The following MYO16 variants were observed in gnomAD, a reference collection of about 807,000 sequenced individuals.
MYO16 encodes the protein myosin XVI.
Under a neutral mutation model 205.3 loss-of-function variants are expected in MYO16, and 94 were observed. The observed-to-expected ratio is 0.46, with a 90% CI of 0.39 to 0.54. MYO16 has a LOEUF of 0.54. Ranked by LOEUF, MYO16 falls within the 20% of genes least tolerant of loss-of-function variation. The probability of loss-of-function intolerance (pLI) is 0.00; values close to 1 mark genes in which losing one functional copy is unlikely to be tolerated. For missense variants in MYO16, 2,315 were observed against 2,387.5 expected, an observed-to-expected ratio of 0.97 and a Z score of 0.63; for synonymous variants, 988 against 954.0, an observed-to-expected ratio of 1.04 and a Z score of -0.66.
At chr13:108,838,924 G>A (rs1446900662) in intron 9 of MYO16, among the ~76,000 whole-genome samples, 1 of 152,084 alleles carries the variant, frequency 6.6e-6, no homozygotes, top group African/African-American at 2.4e-5. Context: ...GTGGAAGGAA[G>A]AAGGTCTCTT....
intron 28 of MYO16, among the ~76,000 whole-genome samples, chr13:109,119,817 C>G (rs986057165): frequency 2.6e-5 from 4 of 152,206 alleles, no homozygotes; most frequent in Non-Finnish European, 5.9e-5. Context: ...ATGACTTTCT[C>G]ATCTTTCTTG....
the MYO16 span, among the ~76,000 whole-genome samples, chr13:108,528,902 G>A: frequency 6.6e-6 from 1 of 151,720 alleles, no homozygotes; most frequent in Non-Finnish European, 1.5e-5. Context: ...ACAAGGTAAA[G>A]GTTTAGACCA....
intron 4 of MYO16, among the ~76,000 whole-genome samples, chr13:108,735,200 T>A (rs1380029434): frequency 6.6e-6 from 1 of 152,074 alleles, no homozygotes; most frequent in Non-Finnish European, 1.5e-5. Context: ...GACATGTTGG[T>A]GTGCTGCACC....
intron 27 of MYO16, among the ~76,000 whole-genome samples, chr13:109,094,489 G>A (rs1888716077): frequency 6.6e-6 from 1 of 152,162 alleles, no homozygotes; most frequent in Admixed American, 6.5e-5. Context: ...AGGACAACAG[G>A]CGTGAGCCAC....
At chr13:109,179,054 T>G (rs1879342336) in intron 33 of MYO16, among the ~76,000 whole-genome samples, 1 of 152,192 alleles carries the variant, frequency 6.6e-6, no homozygotes, top group Admixed American at 6.5e-5. Context: ...TGCTTCCTTG[T>G]GCACAAAATG....
At chr13:109,025,966 T>C (rs1886348783) in intron 23 of MYO16, among the ~76,000 whole-genome samples, 1 of 152,228 alleles carries the variant, frequency 6.6e-6, no homozygotes, top group South Asian at 2.1e-4. Flanking sequence ...GATCTTTGTC[T>C]GAAAGTTGTT....
intron 4 of MYO16, among the ~76,000 whole-genome samples, chr13:108,774,715 A>G (rs971686524): frequency 6.6e-6 from 1 of 152,212 alleles, no homozygotes; most frequent in Non-Finnish European, 1.5e-5. Flanking sequence ...GAAATTTCAC[A>G]TCTAGTGATT....
At chr13:108,754,431 T>C (rs1196989111) in intron 4 of MYO16, among the ~76,000 whole-genome samples, 1 of 152,216 alleles carries the variant, frequency 6.6e-6, no homozygotes, top group African/African-American at 2.4e-5. Context: ...ATTATTGACA[T>C]ACATAGCTCT....
the MYO16 span, among the ~76,000 whole-genome samples, chr13:108,585,507 T>C: frequency 6.6e-6 from 1 of 152,142 alleles, no homozygotes; most frequent in Admixed American, 6.6e-5. Context: ...AATTGTTTCT[T>C]ATCAGACTTA....
intron 27 of MYO16, among the ~76,000 whole-genome samples, chr13:109,096,461 C>T (rs1056314042): frequency 2.0e-5 from 3 of 152,244 alleles, no homozygotes; most frequent in African/African-American, 7.2e-5. Flanking sequence ...GGCGGGGGGA[C>T]ACAGTTCAGC....
chr13:108,828,132 GTTAC>G (rs1197505778), intron 9 of MYO16, among the ~76,000 whole-genome samples: 1 of 152,172 alleles, frequency 6.6e-6, no homozygotes, highest in African/African-American at 2.4e-5. Flanking sequence ...CGCATGTCCT[GTTAC>G]TTAACCATTT....
chr13:108,769,632 C>A (rs944488853), intron 4 of MYO16, among the ~76,000 whole-genome samples: 4 of 152,112 alleles, frequency 2.6e-5, no homozygotes, highest in Non-Finnish European at 4.4e-5. Flanking sequence ...TGTTAAGCAA[C>A]CGCTAGAGCA....
intron 16 of MYO16, among the ~76,000 whole-genome samples, chr13:108,911,708 T>C (rs1881273639): frequency 6.6e-6 from 1 of 152,214 alleles, no homozygotes; most frequent in Non-Finnish European, 1.5e-5. Flanking sequence ...TCTGTGGAGA[T>C]GTCCCTATGG....
chr13:108,500,691 A>G, the MYO16 span, among the ~76,000 whole-genome samples: 13 of 152,182 alleles, frequency 8.5e-5, no homozygotes, highest in Non-Finnish European at 1.3e-4. Context: ...CCCGGATCCA[A>G]TCTTCATCAT....
chr13:108,718,280 A>T (rs1884026752), intron 3 of MYO16, among the ~76,000 whole-genome samples: 1 of 152,126 alleles, frequency 6.6e-6, no homozygotes, highest in Non-Finnish European at 1.5e-5. Context: ...GTCCACCAGT[A>T]ACCCTGCCCA....
At chr13:109,191,515 A>G (rs925748561) in intron 34 of MYO16, among the ~76,000 whole-genome samples, 1 of 152,252 alleles carries the variant, frequency 6.6e-6, no homozygotes, top group East Asian at 1.9e-4. Context: ...CTGAGTTGCA[A>G]TTGTAAATCA....
intron 31 of MYO16, among the ~76,000 whole-genome samples, chr13:109,134,207 C>G (rs1876666738): frequency 6.6e-6 from 1 of 152,168 alleles, no homozygotes; most frequent in African/African-American, 2.4e-5. Flanking sequence ...AGTCACTGAT[C>G]AATGGTGTAA....
At chr13:109,030,168 C>CA (rs10632019) in intron 23 of MYO16, among the ~76,000 whole-genome samples, 2,454 of 144,512 alleles carry the variant, frequency 0.017, 33 homozygotes, top group African/African-American at 0.026. Flanking sequence ...AGAAGGAAAG[C>CA]AAAAAAAAAA....
At chr13:108,845,331 C>T (rs993908139) in intron 10 of MYO16, among the ~76,000 whole-genome samples, 2 of 152,078 alleles carry the variant, frequency 1.3e-5, no homozygotes, top group African/African-American at 4.8e-5. Flanking sequence ...GACAAAACAC[C>T]ACAGTCTGGG....
Sources: gnomAD v4.1 joint callset for allele counts (sites outside exome capture counted in the v4.1 genomes callset) on GRCh38, gnomAD v4.1.1 for gene constraint, MANE v1.5 for transcripts, NCBI Gene and HGNC (gene_info 2026-07-23, HGNC 2026-07-21) for gene names.